ATRX: variants seen among roughly 807,000 people sequenced by gnomAD.
ATRX encodes the protein chromatin remodeler ATRX.
Under a neutral mutation model 172.6 loss-of-function variants are expected in ATRX, and 12 were observed. The observed-to-expected ratio is 0.07, with a 90% confidence interval of 0.04 to 0.11. The LOEUF is 0.11. Among genes scored for constraint, ATRX ranks in the 10% least tolerant of loss-of-function variants. The probability of loss-of-function intolerance (pLI) is 1.00; values close to 1 mark genes in which losing one functional copy is unlikely to be tolerated. For missense variants in ATRX, 1,368 were observed against 1,767.4 expected (o/e 0.77, Z 4.05); for synonymous variants, 674 against 594.7 (o/e 1.13, Z -1.94).
intron 31 of ATRX, 31 bp downstream of exon 31, chrX:77,523,221 C>G: frequency 8.3e-7 from 1 of 1,207,454 alleles, no homozygotes; most frequent in Non-Finnish European, 1.1e-6. Context: ...ACTAACATAA[C>G]AAAAACAAAA....
intron 2 of ATRX, among the ~76,000 whole-genome samples, chrX:77,709,968 CG>C (rs2073029526): frequency 9.0e-6 from 1 of 111,608 alleles, no homozygotes; most frequent in Non-Finnish European, 1.9e-5. Flanking sequence ...AATCAGGAAT[CG>C]GCCCAGATTT....
chrX:77,611,182 A>G (rs1557093842), intron 22 of ATRX, among the ~76,000 whole-genome samples: 1 of 111,310 alleles, frequency 9.0e-6, no homozygotes, highest in Non-Finnish European at 1.9e-5. Context: ...ACACATTGCT[A>G]TTTCTGTAGC....
chrX:77,756,447 T>G (rs995654712), intron 1 of ATRX, among the ~76,000 whole-genome samples: 2 of 109,623 alleles, frequency 1.8e-5, no homozygotes, highest in Non-Finnish European at 1.9e-5. Flanking sequence ...TCTGCCCAGA[T>G]GCCCAGTTTT....
intron 10 of ATRX, chrX:77,675,122 T>G (rs1433934069): frequency 8.9e-6 from 1 of 112,118 alleles, no homozygotes; most frequent in Non-Finnish European, 1.9e-5. Flanking sequence ...GGGCATTTAC[T>G]AAGTCAGTTA....
At chrX:77,769,167 A>G (rs1557197720) in intron 1 of ATRX, among the ~76,000 whole-genome samples, 1 of 112,112 alleles carries the variant, frequency 8.9e-6, no homozygotes, top group African/African-American at 3.2e-5. Context: ...CCTAGCCTGG[A>G]CAACATAGTG....
chrX:77,708,021 A>C (rs2072923498), intron 2 of ATRX, among the ~76,000 whole-genome samples: 1 of 112,163 alleles, frequency 8.9e-6, no homozygotes, highest in Non-Finnish European at 1.9e-5. Context: ...ACAGTTTGAC[A>C]TTTCCTCAAA....
chrX:77,734,937 C>A (rs1255864004), intron 1 of ATRX, among the ~76,000 whole-genome samples: 13 of 108,500 alleles, frequency 1.2e-4, no homozygotes, highest in Non-Finnish European at 2.1e-4. Flanking sequence ...ATGGTGAAAC[C>A]CCATCTCTAC....
Position 77,676,241 on chromosome X carries a change from T to C in ATRX, c.3794A>G (p.Asn1265Ser), listed in dbSNP as rs371187842. The change falls in exon 10 of 35, where the codon AAT (asparagine) becomes AGT (serine). Residue 1265 changes from asparagine (N) to serine (S), a missense_variant. Coordinates refer to ENST00000373344, the MANE Select transcript of ATRX (RefSeq NM_000489.6). ...GGAATCATACCTATTCTCAGGATCA[T>C]TGTCGTCATCATCATCATCCACTGT... ...PVTVDDDDDD[N>S]DPENRIAKKM... is the part of the protein sequence containing the mutation. 3.3e-5 allele frequency: 40 copies of C among 1,205,413 alleles called. No homozygotes were observed. Among genetic ancestry groups the C allele is most frequent in the African/African-American group, 5.3e-5 (3 of 56,967 alleles).
chrX:77,647,256 G>A lies in ATRX; in HGVS notation c.4557+4858C>T, dbSNP rs143087586. On this transcript the variant is annotated intron_variant, in intron 15 of 34. Coordinates refer to ENST00000373344, the MANE Select transcript of ATRX (RefSeq NM_000489.6). ...ACACAAAATACAAAACATATGGGAC[G>A]TAGAGAAAACAGTACTAAGAAGAGG... 2.2e-4 allele frequency among the ~76,000 whole-genome samples: 25 copies of A among 111,832 alleles called. 1 individual carries two copies. The East Asian group carries it at 6.2e-3, about 28-fold the overall frequency.
At chrX:77,662,805 C>T (rs1356335543) in intron 12 of ATRX, among the ~76,000 whole-genome samples, 1 of 111,330 alleles carries the variant, frequency 9.0e-6, no homozygotes, top group Non-Finnish European at 1.9e-5. Flanking sequence ...AAGCGATTCT[C>T]CTGCCTCAGC....
rs2062729462 is a variant in ATRX at position 77,507,135 on chromosome X, G to T, written c.*1216C>A. 5.8e-6 allele frequency: 1 copy of T among 171,049 alleles called. No homozygotes were observed. Among genetic ancestry groups the T allele is most frequent in the Non-Finnish European group, 1.1e-5 (1 of 89,974 alleles). The allele number at this position is 171,049 out of a possible 1,213,427, so 14.1% of individuals were successfully genotyped here. A position where few individuals can be genotyped will look rare whatever the true frequency, so the allele number is the denominator to read the frequency against. ...TTTCTAGTAAAACTTCTAGTAAAGG[G>T]GTATTGGATGAATTAATTTTGATTT... On this transcript the variant is annotated 3_prime_UTR_variant, in exon 35 of 35. Coordinates refer to ENST00000373344, the MANE Select transcript of ATRX (RefSeq NM_000489.6).
chrX:77,574,833 C>A (rs2065551070), intron 27 of ATRX, among the ~76,000 whole-genome samples: 1 of 110,948 alleles, frequency 9.0e-6, no homozygotes, highest in African/African-American at 3.3e-5. Flanking sequence ...AAAAATTATT[C>A]TATGGGGTAG....
At position 77,504,925 on chromosome X, in the gene ATRX, A is replaced by G. The variant is rs1292650106; in HGVS notation, c.*3426T>C. 15 of 152,984 alleles carry G rather than the reference A, an allele frequency of 9.8e-5. No homozygotes were observed. In the Admixed American group the frequency reaches 1.3e-3, roughly 13 times the overall value. 12.6% of individuals were successfully genotyped at this position (152,984 alleles called of 1,213,427 possible). On this transcript the variant is annotated 3_prime_UTR_variant, in exon 35 of 35. Transcript: ENST00000373344. ...ATTCACCCCATATAATAGTATATATAAAATGTTGTGAAGATGAAAGCATTT... is the reference window on the plus strand; with the variant it reads ...ATTCACCCCATATAATAGTATATATGAAATGTTGTGAAGATGAAAGCATTT...
At chrX:77,525,579 T>C (rs1283236911) in intron 30 of ATRX, among the ~76,000 whole-genome samples, 1 of 112,651 alleles carries the variant, frequency 8.9e-6, no homozygotes, top group Non-Finnish European at 1.9e-5. Flanking sequence ...ATCTTAATCA[T>C]AGTCAGATCA....
Position 77,696,626 on chromosome X carries a change from C to T in ATRX, c.321G>A (p.Ala107=), listed in dbSNP as rs992631268. The change falls in exon 5 of 35, where the codon GCG becomes GCA. Residue 107 remains alanine (A), a synonymous_variant. Transcript: ENST00000373344. ...TATCATTTTCTGAATTTTCATTAGA[C>T]GCATCTTCATTTACAGTTTCATCAT... is the stretch of plus-strand genomic sequence containing the variant. ...PLDDETVNED[A]SNENSENDIT... 1.0e-5 allele frequency: 12 copies of T among 1,200,162 alleles called. No homozygotes were observed. Among genetic ancestry groups the T allele is most frequent in the Middle Eastern group, 2.3e-4 (1 of 4,294 alleles).
intron 1 of ATRX, among the ~76,000 whole-genome samples, chrX:77,764,041 G>A (rs1557194246): frequency 9.0e-6 from 1 of 110,712 alleles, no homozygotes; most frequent in Admixed American, 9.6e-5. Flanking sequence ...TTGTGCCCAG[G>A]AGGTCTAGGC....
chrX:77,639,045 C>T (rs1470616672), intron 15 of ATRX, among the ~76,000 whole-genome samples: 1 of 112,138 alleles, frequency 8.9e-6, no homozygotes, highest in Non-Finnish European at 1.9e-5. Flanking sequence ...GGAAAATTCC[C>T]TAAATGTCTT....
At chrX:77,625,816 G>A (rs1557102527) in intron 19 of ATRX, among the ~76,000 whole-genome samples, 2 of 108,904 alleles carry the variant, frequency 1.8e-5, no homozygotes, top group Admixed American at 2.0e-4. Flanking sequence ...CAGCCGCTAT[G>A]GAAAACAGTG....
At chrX:77,769,825 G>A (rs1266279012) in intron 1 of ATRX, among the ~76,000 whole-genome samples, 1 of 111,069 alleles carries the variant, frequency 9.0e-6, no homozygotes, top group Non-Finnish European at 1.9e-5. Flanking sequence ...GCCAGGCGTG[G>A]TGGCTCACAC....
Sources: gnomAD v4.1 joint callset for allele counts (sites outside exome capture counted in the v4.1 genomes callset) on GRCh38, gnomAD v4.1.1 for gene constraint, MANE v1.5 for transcripts, NCBI Gene and HGNC (gene_info 2026-07-23, HGNC 2026-07-21) for gene names.